The following CPEB3 variants were observed in gnomAD, a reference collection of about 807,000 sequenced individuals.
CPEB3 encodes cytoplasmic polyadenylation element-binding protein 3.
A neutral mutation model predicts 67.2 loss-of-function variants in CPEB3; 20 were observed. The ratio of observed to expected loss-of-function variants is 0.30; its 90% CI spans 0.21 to 0.43. The LOEUF (loss-of-function observed/expected upper bound fraction) is 0.43. Ranked by LOEUF, CPEB3 falls within the 20% of genes least tolerant of loss-of-function variation. The pLI, the probability that CPEB3 is intolerant of heterozygous loss-of-function variation, is 1.00. For missense variants in CPEB3, 746 were observed against 968.6 expected (o/e 0.77, Z 3.05); for synonymous variants, 376 against 393.1 (o/e 0.96, Z 0.51).
At chr10:92,197,675 A>G (rs1590362399) in intron 2 of CPEB3, among the ~76,000 whole-genome samples, 1 of 152,344 alleles carries the variant, frequency 6.6e-6, no homozygotes, top group East Asian at 1.9e-4. Flanking sequence ...CCACTGCATT[A>G]GTCCTCTCTT....
At chr10:92,198,077 C>T (rs190741690) in intron 2 of CPEB3, among the ~76,000 whole-genome samples, 3 of 152,070 alleles carry the variant, frequency 2.0e-5, no homozygotes, top group Admixed American at 2.0e-4. Flanking sequence ...TTGCACTCCA[C>T]CCTGGGTGAC....
At chr10:92,132,931 G>A (rs181756988) in intron 6 of CPEB3, among the ~76,000 whole-genome samples, 75 of 152,222 alleles carry the variant, frequency 4.9e-4, no homozygotes, top group African/African-American at 1.7e-3. Flanking sequence ...GGTAAATAAC[G>A]AAATGAAGGC....
rs377204339 is a variant in CPEB3, at chr10:92,106,867, AAAGG to A, written c.1572+4205_1572+4208del. Among the ~76,000 whole-genome samples, 516 of 151,726 alleles carry A rather than the reference AAAGG, an allele frequency of 3.4e-3. 2 individuals carry two copies. The highest frequency in any genetic ancestry group is 0.012 in the African/African-American group (485 of 41,394). On this transcript the variant is annotated intron_variant, in intron 7 of 9. Coordinates refer to ENST00000265997, the MANE Select transcript of CPEB3 (RefSeq NM_014912.5). The stretch of plus-strand genomic sequence containing the variant: ...AAAGAAAGAAAAAAGAAAAAAAGAA[AAAGG>A]AAGGAAGGAAGAAAGGAATCAAGAT...
intron 2 of CPEB3, among the ~76,000 whole-genome samples, chr10:92,237,928 A>G (rs1851618313): frequency 6.6e-6 from 1 of 152,210 alleles, no homozygotes; most frequent in African/African-American, 2.4e-5. Flanking sequence ...ATTCCTTGTG[A>G]AGATCCTCTG....
intron 2 of CPEB3, among the ~76,000 whole-genome samples, chr10:92,219,507 A>G (rs1850594444): frequency 6.6e-6 from 1 of 152,188 alleles, no homozygotes; most frequent in Non-Finnish European, 1.5e-5. Context: ...TCTGCCTTTA[A>G]TCCTAACCAC....
At chr10:92,272,515 A>C (rs891157193) in intron 1 of CPEB3, among the ~76,000 whole-genome samples, 1 of 152,244 alleles carries the variant, frequency 6.6e-6, no homozygotes, top group Non-Finnish European at 1.5e-5. Context: ...ATCTATCTAT[A>C]AACTCAAGAG....
chr10:92,131,930 T>G (rs571453349), intron 6 of CPEB3, among the ~76,000 whole-genome samples: 1 of 152,204 alleles, frequency 6.6e-6, no homozygotes, highest in Admixed American at 6.5e-5. Flanking sequence ...GACTCACATA[T>G]GTAATTAAAA....
At chr10:92,110,799 C>G (rs531557967) in intron 7 of CPEB3, among the ~76,000 whole-genome samples, 2 of 152,272 alleles carry the variant, frequency 1.3e-5, no homozygotes, top group South Asian at 4.1e-4. Flanking sequence ...TTATTTACCT[C>G]GATTCAGAAT....
In CPEB3 at chr10:92,097,780, T is replaced by G. The variant is rs150834039; in HGVS notation, c.1573-5836A>C. On this transcript the variant is annotated intron_variant, in intron 7 of 9. Transcript: ENST00000265997. ...GGGTTGGTCTGCCAGATAAGCAGTG[T>G]TGGGGAAAAACTATAGATTATCTTC... 4.3e-4 allele frequency among the ~76,000 whole-genome samples: 65 copies of G among 152,240 alleles called. 2 individuals are homozygous for G. The East Asian group carries it at 0.01, about 24-fold the overall frequency.
rs377400409 is a variant in CPEB3 at position 92,087,331 on chromosome 10, T to C, written c.1687+4499A>G. On this transcript the variant is annotated intron_variant, in intron 8 of 9. Coordinates refer to ENST00000265997, the MANE Select transcript of CPEB3 (RefSeq NM_014912.5). Reference sequence around the variant, plus strand: ...TTCAGGATTCACCACAGAATATTGGTAGGGGAAAAAAAGAAAGGAAGGAAT... The same window carrying C: ...TTCAGGATTCACCACAGAATATTGGCAGGGGAAAAAAAGAAAGGAAGGAAT... Among the ~76,000 whole-genome samples the C allele has an allele frequency of 1.2e-4, 18 of 151,826 alleles. No individual in the cohort carries two copies. The East Asian group carries it at 3.1e-3, about 26-fold the overall frequency.
chr10:92,235,043 A>C (rs554265931), intron 2 of CPEB3, among the ~76,000 whole-genome samples: 1 of 152,250 alleles, frequency 6.6e-6, no homozygotes, highest in East Asian at 1.9e-4. Flanking sequence ...TGCTTGGCAC[A>C]GGGCCTGGCC....
intron 6 of CPEB3, among the ~76,000 whole-genome samples, chr10:92,133,522 A>C (rs1384835154): frequency 3.3e-5 from 5 of 152,210 alleles, no homozygotes; most frequent in Non-Finnish European, 7.3e-5. Context: ...TTGAGGCAAT[A>C]ATTAATAGCC....
intron 4 of CPEB3, 127 bp from the exon 5 acceptor site, chr10:92,145,212 A>T: frequency 1.0e-6 from 1 of 992,562 alleles, no homozygotes; most frequent in East Asian, 2.6e-5. Flanking sequence ...ACAAAAAAAA[A>T]GGTGTCCTGA....
chr10:92,239,523 C>A lies in CPEB3; in HGVS notation c.828G>T (p.Val276=). ...GGGAAGGCACCCCGACACCCACACC[C>A]ACGCCCACACCGACCGCCCGGCGAG... is the stretch of plus-strand genomic sequence containing the variant. ...RDPRRAVGVG[V]GVGVGVPSPL... The change falls in exon 2 of 10, where the codon GTG becomes GTT. Residue 276 remains valine, a synonymous_variant. Transcript: ENST00000265997. This position sits in a 1 kb window ranked among gnomAD's most constrained non-coding sequence, Gnocchi z 6.0. 6.4e-7 allele frequency: 1 copy of A among 1,565,916 alleles called. No individual in the cohort carries two copies.
chr10:92,291,159 C>A (rs546704624), upstream of CPEB3: 8 of 432,798 alleles, frequency 1.8e-5, no homozygotes, highest in Non-Finnish European at 2.5e-5. Flanking sequence ...ACGGAGGCGG[C>A]GACTCTTACC....
At chr10:92,164,964 G>T (rs980773464) in intron 4 of CPEB3, among the ~76,000 whole-genome samples, 7 of 151,854 alleles carry the variant, frequency 4.6e-5, no homozygotes, top group Non-Finnish European at 7.4e-5. Context: ...TAAAATACAG[G>T]GATACTTCAG....
intron 4 of CPEB3, among the ~76,000 whole-genome samples, chr10:92,170,782 A>G (rs1434775072): frequency 6.6e-6 from 1 of 152,182 alleles, no homozygotes; most frequent in Non-Finnish European, 1.5e-5. Context: ...TTTTATACTG[A>G]TCAATCTGTC....
intron 1 of CPEB3, among the ~76,000 whole-genome samples, chr10:92,269,846 C>CCA (rs1453791189): frequency 6.6e-6 from 1 of 152,116 alleles, no homozygotes; most frequent in Non-Finnish European, 1.5e-5. Context: ...GCATGAGCCA[C>CCA]CACACACAGC....
At chr10:92,119,716 T>TA (rs1414961601) in intron 6 of CPEB3, among the ~76,000 whole-genome samples, 1 of 152,174 alleles carries the variant, frequency 6.6e-6, no homozygotes, top group Non-Finnish European at 1.5e-5. Flanking sequence ...AGTTAGTTCT[T>TA]AGAGCAGCTG....
Sources: allele counts gnomAD v4.1 joint callset (sites outside exome capture counted in the v4.1 genomes callset), GRCh38; gene constraint gnomAD v4.1.1; non-coding constraint Gnocchi (gnomAD v3.1); transcripts MANE v1.5; gene names NCBI Gene and HGNC (gene_info 2026-07-23, HGNC 2026-07-21).